Variants in INPP4B observed in about 807,000 individuals in gnomAD.
The protein encoded by INPP4B is inositol polyphosphate 4-phosphatase type II.
In INPP4B, 55 loss-of-function variants were observed where a neutral mutation model predicts 122.5. The ratio of observed to expected loss-of-function variants is 0.45; its 90% CI spans 0.36 to 0.56. INPP4B has a LOEUF of 0.56. Ranked by LOEUF, INPP4B falls within the 20% of genes least tolerant of loss-of-function variation. The pLI is 0.00. For synonymous variants in INPP4B, 403 were observed against 388.7 expected (o/e 1.04, Z -0.43); for missense variants, 1,000 against 1,097.7 (o/e 0.91, Z 1.26).
chr4:142,824,578 C>T (rs1035693082), intron 1 of INPP4B, among the ~76,000 whole-genome samples: 2 of 152,086 alleles, frequency 1.3e-5, no homozygotes, highest in African/African-American at 4.8e-5. Flanking sequence ...GTATGAATCA[C>T]TCCCTTCAAA....
chr4:142,502,868 G>A (rs758428125), intron 2 of INPP4B, among the ~76,000 whole-genome samples: 14 of 152,092 alleles, frequency 9.2e-5, no homozygotes, highest in Non-Finnish European at 2.1e-4. Flanking sequence ...TCCATGCCTT[G>A]CAAATAAATA....
At chr4:142,395,911 G>A (rs968855359) in intron 7 of INPP4B, among the ~76,000 whole-genome samples, 1 of 152,048 alleles carries the variant, frequency 6.6e-6, no homozygotes, top group Non-Finnish European at 1.5e-5. Flanking sequence ...GGAAAAATGA[G>A]GAGTTGCTAA....
At chr4:142,396,308 A>T (rs919064778) in intron 7 of INPP4B, among the ~76,000 whole-genome samples, 2 of 152,148 alleles carry the variant, frequency 1.3e-5, no homozygotes, top group African/African-American at 4.8e-5. Context: ...AAAGACTTAG[A>T]TACTTCATTT....
chr4:142,457,934 C>T (rs571857297), intron 3 of INPP4B, among the ~76,000 whole-genome samples: 26 of 152,140 alleles, frequency 1.7e-4, no homozygotes, highest in Non-Finnish European at 3.5e-4. Flanking sequence ...TACACACCTA[C>T]AGTATGACTC....
At chr4:142,794,755 T>C (rs1016784431) in intron 1 of INPP4B, among the ~76,000 whole-genome samples, 4 of 151,782 alleles carry the variant, frequency 2.6e-5, no homozygotes, top group Non-Finnish European at 5.9e-5. Flanking sequence ...AATTAAACAA[T>C]GACTAATAAG....
intron 9 of INPP4B, among the ~76,000 whole-genome samples, chr4:142,297,278 T>C (rs1759163732): frequency 6.6e-6 from 1 of 152,214 alleles, no homozygotes; most frequent in Non-Finnish European, 1.5e-5. Context: ...AGGTTTCAGG[T>C]AAGCACGCCT....
chr4:142,442,729 C>T (rs1325584145), intron 3 of INPP4B, among the ~76,000 whole-genome samples: 4 of 152,160 alleles, frequency 2.6e-5, no homozygotes, highest in Non-Finnish European at 5.9e-5. Flanking sequence ...TTACATGTCT[C>T]CATGGAGCAG....
At chr4:142,084,781 C>A (rs376626115) in intron 24 of INPP4B, among the ~76,000 whole-genome samples, 1 of 152,112 alleles carries the variant, frequency 6.6e-6, no homozygotes, top group East Asian at 1.9e-4. Context: ...CTAAAATACA[C>A]ATTTGTGTTT....
At chr4:142,691,935 T>C (rs899780476) in intron 2 of INPP4B, among the ~76,000 whole-genome samples, 1 of 152,140 alleles carries the variant, frequency 6.6e-6, no homozygotes, top group Admixed American at 6.6e-5. Context: ...TAAGAGAAAC[T>C]AAGACACTCC....
intron 2 of INPP4B, among the ~76,000 whole-genome samples, chr4:142,574,251 C>T (rs975285185): frequency 1.3e-5 from 2 of 152,212 alleles, no homozygotes; most frequent in East Asian, 1.9e-4. Flanking sequence ...GAACTGGTTT[C>T]CTCCTCTGTA....
At chr4:142,297,238 A>T (rs2151057142) in intron 9 of INPP4B, among the ~76,000 whole-genome samples, 1 of 152,364 alleles carries the variant, frequency 6.6e-6, no homozygotes, top group East Asian at 1.9e-4. Context: ...AATAAGCCAT[A>T]TGATGCCAGA....
chr4:142,437,033 C>G (rs1026780522), intron 3 of INPP4B, among the ~76,000 whole-genome samples: 6 of 152,004 alleles, frequency 3.9e-5, no homozygotes, highest in African/African-American at 1.4e-4. Flanking sequence ...GTTACAGGAG[C>G]TGCTAACTAG....
At chr4:142,175,205 T>A (rs1025738923) in intron 15 of INPP4B, among the ~76,000 whole-genome samples, 3 of 152,148 alleles carry the variant, frequency 2.0e-5, no homozygotes, top group African/African-American at 7.2e-5. Flanking sequence ...TACTACATTT[T>A]TATCAGCTCA....
At chr4:142,413,386 A>T (rs778182469) in intron 5 of INPP4B, among the ~76,000 whole-genome samples, 1 of 152,202 alleles carries the variant, frequency 6.6e-6, no homozygotes, top group Non-Finnish European at 1.5e-5. Context: ...GCTCATACAT[A>T]CACATAAACT....
chr4:142,618,424 C>T (rs1051721150), intron 2 of INPP4B, among the ~76,000 whole-genome samples: 5 of 152,112 alleles, frequency 3.3e-5, no homozygotes, highest in Admixed American at 1.3e-4. Context: ...CTGAAATAAG[C>T]TCACGCATGT....
intron 2 of INPP4B, among the ~76,000 whole-genome samples, chr4:142,643,090 A>G (rs1750904287): frequency 6.6e-6 from 1 of 152,180 alleles, no homozygotes; most frequent in African/African-American, 2.4e-5. Context: ...GGTGTATAAG[A>G]ATGCTTGTGA....
At chr4:142,034,502 T>A (rs1477593187) in intron 25 of INPP4B, among the ~76,000 whole-genome samples, 1 of 152,028 alleles carries the variant, frequency 6.6e-6, no homozygotes, top group East Asian at 1.9e-4. Flanking sequence ...CCATCAGGAA[T>A]TCTATTACTC....
chr4:142,690,618 C>A (rs887177851), intron 2 of INPP4B, among the ~76,000 whole-genome samples: 1 of 152,108 alleles, frequency 6.6e-6, no homozygotes, highest in Non-Finnish European at 1.5e-5. Flanking sequence ...CCCAGGCTCC[C>A]CTGCAGAGAA....
intron 2 of INPP4B, among the ~76,000 whole-genome samples, chr4:142,529,137 G>A (rs1827283691): frequency 6.6e-6 from 1 of 151,930 alleles, no homozygotes; most frequent in Non-Finnish European, 1.5e-5. Flanking sequence ...AATGACCAAC[G>A]GATGCTTTTA....
Sources: allele counts gnomAD v4.1 joint callset (sites outside exome capture counted in the v4.1 genomes callset), GRCh38; gene constraint gnomAD v4.1.1; transcripts MANE v1.5; gene names NCBI Gene and HGNC (gene_info 2026-07-23, HGNC 2026-07-21).